The following CSF2RA variants were observed in gnomAD, a reference collection of about 807,000 sequenced individuals.
CSF2RA encodes the protein granulocyte-macrophage colony-stimulating factor receptor subunit alpha.
CSF2RA carries 42 observed loss-of-function variants against 51.6 expected under a neutral mutation model. The ratio of observed to expected loss-of-function variants is 0.81; its 90% confidence interval spans 0.64 to 1.05. The LOEUF (loss-of-function observed/expected upper bound fraction) is 1.05, where lower values mean the gene tolerates loss of function less well. CSF2RA is among the 50% of genes least tolerant of loss of function. CSF2RA has a pLI of 0.00. For synonymous variants in CSF2RA, 222 were observed against 193.0 expected (o/e 1.15, Z -1.24); for missense variants, 530 against 501.1 (o/e 1.06, Z -0.55).
At chrX:1,298,827 C>T (rs2092178257) in intron 9 of CSF2RA, among the ~76,000 whole-genome samples, 1 of 152,020 alleles carries the variant, frequency 6.6e-6, no homozygotes, top group Non-Finnish European at 1.5e-5. Context: ...GGAGGAGACC[C>T]CACCTCACCT....
the CSF2RA span, among the ~76,000 whole-genome samples, chrX:1,322,735 T>C: frequency 6.6e-6 from 1 of 151,898 alleles, no homozygotes; most frequent in South Asian, 2.1e-4. Flanking sequence ...GGTCAAAAAT[T>C]GTAGTGCGTT....
At chrX:1,315,488 C>T in the CSF2RA span, among the ~76,000 whole-genome samples, 25 of 152,264 alleles carry the variant, frequency 1.6e-4, no homozygotes, top group African/African-American at 6.0e-4. Flanking sequence ...ACTACAACCT[C>T]CGCCTCCCAG....
At chrX:1,322,439 GT>G in the CSF2RA span, among the ~76,000 whole-genome samples, 134 of 120,694 alleles carry the variant, frequency 1.1e-3, no homozygotes, top group Middle Eastern at 9.6e-3. Context: ...GTGTGTGTTT[GT>G]TTTTTTTTTT....
chrX:1,286,436 G>A (rs2090666875), intron 4 of CSF2RA, among the ~76,000 whole-genome samples: 1 of 150,494 alleles, frequency 6.6e-6, no homozygotes, highest in African/African-American at 2.4e-5. Context: ...GGGCATGGTG[G>A]CAGGCATCTG....
At chrX:1,317,016 G>T in the CSF2RA span, among the ~76,000 whole-genome samples, 4 of 145,952 alleles carry the variant, frequency 2.7e-5, no homozygotes, top group Admixed American at 2.0e-4. Context: ...GCGCGATCTC[G>T]GCTCACTGCA....
intron 1 of CSF2RA, among the ~76,000 whole-genome samples, chrX:1,274,257 C>T (rs1466564621): frequency 1.3e-5 from 2 of 151,940 alleles, no homozygotes; most frequent in African/African-American, 4.8e-5. Flanking sequence ...GACAGAGCCT[C>T]AGGAAATCGC....
In CSF2RA at chrX:1,303,803, C is replaced by T. The variant is rs2083261844; in HGVS notation, c.947-120C>T. On this transcript the variant is annotated intron_variant, in intron 10 of 12. Transcript: ENST00000381529. Reference sequence around the variant, plus strand: ...AAACAGGGAGGCAGGTTTGCTGGGCCCAGTTCTCAGCTTGACTGTTCCCTT... The same window carrying T: ...AAACAGGGAGGCAGGTTTGCTGGGCTCAGTTCTCAGCTTGACTGTTCCCTT... 9 of 914,478 alleles carry T rather than the reference C, an allele frequency of 9.8e-6. No individual in the cohort carries two copies. In the Middle Eastern group the frequency reaches 2.1e-3, roughly 212 times the overall value. 56.6% of individuals were successfully genotyped at this position (914,478 alleles called of 1,614,324 possible).
intron 9 of CSF2RA, among the ~76,000 whole-genome samples, chrX:1,296,292 G>C (rs1443011028): frequency 2.3e-5 from 3 of 133,330 alleles, no homozygotes; most frequent in Non-Finnish European, 4.8e-5. Context: ...ACCCCTGGCG[G>C]AACTGTACAG....
the CSF2RA span, among the ~76,000 whole-genome samples, chrX:1,317,223 C>A: frequency 7.3e-6 from 1 of 136,164 alleles, no homozygotes; most frequent in Non-Finnish European, 1.5e-5. Flanking sequence ...GCTGGGATGA[C>A]AGGCGTGAGC....
intron 12 of CSF2RA, chrX:1,305,950 T>C: frequency 1.5e-6 from 1 of 655,726 alleles, no homozygotes; most frequent in South Asian, 1.9e-5. Flanking sequence ...GGTGTGGTGG[T>C]GTACGCCTGA....
chrX:1,297,243 T>C (rs2092025967), intron 9 of CSF2RA, among the ~76,000 whole-genome samples: 1 of 9,432 alleles, frequency 1.1e-4, no homozygotes, highest in Non-Finnish European at 2.3e-4. Flanking sequence ...TACAGTCTCC[T>C]ACCCATGACC....
chrX:1,321,511 G>A, the CSF2RA span, among the ~76,000 whole-genome samples: 2 of 150,360 alleles, frequency 1.3e-5, no homozygotes, highest in African/African-American at 2.5e-5. Context: ...GGAGGCAGAG[G>A]TTGCGGTTGG....
At chrX:1,309,370 G>C in intron 12 of CSF2RA, 32 bp from the exon 13 acceptor site, 1 of 1,605,966 alleles carries the variant, frequency 6.2e-7, no homozygotes, top group Non-Finnish European at 8.5e-7. Flanking sequence ...AGCTCGTGAA[G>C]ATCTGACAGC....
rs770352615 is a variant in CSF2RA, at chrX:1,304,072, G to A, written c.1043+53G>A. 3.3e-5 allele frequency: 47 copies of A among 1,445,360 alleles called. No individual in the cohort carries two copies. In the East Asian group the frequency reaches 6.1e-4, roughly 19 times the overall value. The allele number at this position is 1,445,360 out of a possible 1,614,324, so 89.5% of individuals were successfully genotyped here. On this transcript the variant is annotated intron_variant, in intron 11 of 12. Coordinates refer to ENST00000381529, the MANE Select transcript of CSF2RA (RefSeq NM_172245.4). ...CAATGAAAACAGGCCAGGCCGGGAG[G>A]AAAGCGCTTTGTCCAGTCTCTGTCT...
At chrX:1,312,235 G>C (rs1212749383), downstream of CSF2RA, among the ~76,000 whole-genome samples, 3 of 152,080 alleles carry the variant, frequency 2.0e-5, no homozygotes, top group Non-Finnish European at 4.4e-5. Flanking sequence ...CACCACACCT[G>C]TTCCTTATAA....
intron 2 of CSF2RA, among the ~76,000 whole-genome samples, chrX:1,275,345 C>G (rs1177265385): frequency 6.6e-6 from 1 of 151,400 alleles, no homozygotes; most frequent in African/African-American, 2.4e-5. Context: ...GAGCCAAGAT[C>G]GCGCCACTGC....
intron 9 of CSF2RA, among the ~76,000 whole-genome samples, chrX:1,295,800 A>G (rs1228372215): frequency 1.3e-5 from 2 of 149,336 alleles, no homozygotes; most frequent in East Asian, 2.0e-4. Context: ...CCCCGTGTAG[A>G]CAGGAAGAGA....
At chrX:1,294,570 T>G in intron 8 of CSF2RA, 109 bp downstream of exon 8, 1 of 1,420,078 alleles carries the variant, frequency 7.0e-7, no homozygotes, top group Non-Finnish European at 9.8e-7. Context: ...GATGCGTGGG[T>G]GGTGAGCGGT....
chrX:1,301,013 CAT>C (rs2092329345), intron 10 of CSF2RA, among the ~76,000 whole-genome samples: 1 of 151,350 alleles, frequency 6.6e-6, no homozygotes, highest in Non-Finnish European at 1.5e-5. Flanking sequence ...ATTAGCCCAG[CAT>C]TGTGGCAGGT....
Sources: gnomAD v4.1 joint callset for allele counts (sites outside exome capture counted in the v4.1 genomes callset) on GRCh38, gnomAD v4.1.1 for gene constraint, MANE v1.5 for transcripts, NCBI Gene and HGNC (gene_info 2026-07-23, HGNC 2026-07-21) for gene names.